The following RAB38 variants were observed in gnomAD, a reference collection of about 807,000 sequenced individuals.
The protein encoded by RAB38 is ras-related protein Rab-38.
RAB38 carries 15 observed loss-of-function variants against 18.4 expected under a neutral mutation model. The ratio of observed to expected loss-of-function variants is 0.82; its 90% CI spans 0.55 to 1.26. The LOEUF (loss-of-function observed/expected upper bound fraction) is 1.26. RAB38 is among the 50% of genes most tolerant of loss of function. RAB38 has a pLI of 0.00. For missense variants in RAB38, 294 were observed against 267.4 expected (o/e 1.10, Z -0.69); for synonymous variants, 101 against 104.4 (o/e 0.97, Z 0.20).
the RAB38 span, among the ~76,000 whole-genome samples, chr11:87,812,418 GAA>G: frequency 6.6e-6 from 1 of 151,934 alleles, no homozygotes; most frequent in Non-Finnish European, 1.5e-5. Flanking sequence ...TTGAGGCTAG[GAA>G]AAAAAGTCAA....
the RAB38 span, among the ~76,000 whole-genome samples, chr11:88,101,551 C>T: frequency 6.6e-6 from 1 of 151,868 alleles, no homozygotes; most frequent in Non-Finnish European, 1.5e-5. Context: ...ATGTTAAATA[C>T]AATTCCATTT....
At chr11:87,831,625 A>C in the RAB38 span, among the ~76,000 whole-genome samples, 1 of 152,324 alleles carries the variant, frequency 6.6e-6, no homozygotes, top group African/African-American at 2.4e-5. Context: ...CAATGAGTAC[A>C]TGCTGAGAAA....
At chr11:88,008,181 T>C in the RAB38 span, among the ~76,000 whole-genome samples, 1 of 152,122 alleles carries the variant, frequency 6.6e-6, no homozygotes, top group Non-Finnish European at 1.5e-5. Flanking sequence ...CTCCTGAAAT[T>C]ATACATTTGA....
Position 88,149,917 on chromosome 11 carries a change from G to T in RAB38, c.241C>A (p.Arg81=). The T allele has an allele frequency of 6.2e-7, 1 of 1,613,542 alleles. No homozygotes were observed. Among genetic ancestry groups the T allele is most frequent in the South Asian group, 1.1e-5 (1 of 91,022 alleles). Residue 81 remains arginine (R), a synonymous_variant, in exon 2 of 3, where the codon CGA becomes AGA. Transcript: ENST00000243662. ...ACAATAAATGCACCCATAGCTTCTC[G>T]GTAATAGACCCTCGTCATGTTTCCA... is the stretch of plus-strand genomic sequence containing the variant. ...RFGNMTRVYY[R]EAMGAFIVFD...
chr11:87,858,117 G>T, the RAB38 span, among the ~76,000 whole-genome samples: 1 of 152,156 alleles, frequency 6.6e-6, no homozygotes, highest in Non-Finnish European at 1.5e-5. Context: ...TTATTAAACA[G>T]GGAATCCTTT....
chr11:87,958,476 G>C, the RAB38 span, among the ~76,000 whole-genome samples: 1 of 152,062 alleles, frequency 6.6e-6, no homozygotes, highest in Admixed American at 6.6e-5. Flanking sequence ...TCCACTGCTA[G>C]TGTTGTTCTT....
the RAB38 span, among the ~76,000 whole-genome samples, chr11:87,819,532 T>A: frequency 6.6e-6 from 1 of 151,994 alleles, no homozygotes; most frequent in Non-Finnish European, 1.5e-5. Flanking sequence ...GGTAATATAC[T>A]GGATTTAATA....
intron 1 of RAB38, among the ~76,000 whole-genome samples, chr11:88,161,176 C>T (rs1017628603): frequency 5.9e-5 from 9 of 152,028 alleles, no homozygotes; most frequent in Admixed American, 1.3e-4. Flanking sequence ...AAACTCTTGT[C>T]GCTTCCTTCA....
the RAB38 span, among the ~76,000 whole-genome samples, chr11:87,874,050 TTACAAA>T: frequency 6.6e-6 from 1 of 150,426 alleles, no homozygotes; most frequent in Non-Finnish European, 1.5e-5. Context: ...TGAACAGAAG[TTACAAA>T]TATAATTAAG....
chr11:87,868,578 GGAGAGAGAGAGA>G, the RAB38 span, among the ~76,000 whole-genome samples: 1,138 of 59,218 alleles, frequency 0.019, 22 homozygotes, highest in African/African-American at 0.063. Context: ...AAGGAGTGAG[GGAGAGAGAGAGA>G]GAGAGAGAGA....
At chr11:87,868,139 G>T in the RAB38 span, among the ~76,000 whole-genome samples, 1 of 151,652 alleles carries the variant, frequency 6.6e-6, no homozygotes, top group Admixed American at 6.6e-5. Flanking sequence ...CCCAGTGCTG[G>T]AGTTGAAGCC....
At chr11:88,152,591 A>T in intron 1 of RAB38, among the ~76,000 whole-genome samples, 1 of 152,150 alleles carries the variant, frequency 6.6e-6, no homozygotes, top group East Asian at 1.9e-4. Context: ...AAGAGGTCAC[A>T]CTTAGATCAG....
At chr11:87,875,618 T>C in the RAB38 span, among the ~76,000 whole-genome samples, 10 of 151,550 alleles carry the variant, frequency 6.6e-5, no homozygotes, top group African/African-American at 2.4e-4. Flanking sequence ...ATAGCATTTT[T>C]CATTATATTT....
the RAB38 span, among the ~76,000 whole-genome samples, chr11:88,049,529 G>T: frequency 2.0e-5 from 3 of 151,076 alleles, no homozygotes; most frequent in Admixed American, 6.6e-5. Flanking sequence ...GTCTCCCTTC[G>T]CTGACTCTCT....
chr11:88,106,207 T>C, the RAB38 span, among the ~76,000 whole-genome samples: 12 of 152,094 alleles, frequency 7.9e-5, no homozygotes, highest in African/African-American at 2.9e-4. Flanking sequence ...GAAACTAACA[T>C]ATATTAAGCA....
the RAB38 span, among the ~76,000 whole-genome samples, chr11:88,038,074 T>C: frequency 1.6e-4 from 25 of 152,286 alleles, no homozygotes; most frequent in Admixed American, 9.1e-4. Context: ...TGCCTTTTTA[T>C]TATATTAATG....
chr11:88,070,716 G>A, the RAB38 span, among the ~76,000 whole-genome samples: 1 of 152,174 alleles, frequency 6.6e-6, no homozygotes, highest in Non-Finnish European at 1.5e-5. Context: ...CACAAAGGAT[G>A]AAGAATGCTG....
chr11:88,097,230 G>A, the RAB38 span, among the ~76,000 whole-genome samples: 1 of 151,740 alleles, frequency 6.6e-6, no homozygotes, highest in Non-Finnish European at 1.5e-5. Context: ...TATAGCAAAT[G>A]GAATGTTTCA....
intron 2 of RAB38, among the ~76,000 whole-genome samples, chr11:88,120,268 T>A (rs187616801): frequency 6.6e-6 from 1 of 152,346 alleles, no homozygotes; most frequent in African/African-American, 2.4e-5. Flanking sequence ...AACTAAATGA[T>A]GTGTGCAAGG....
Sources: allele counts gnomAD v4.1 joint callset (sites outside exome capture counted in the v4.1 genomes callset), GRCh38; gene constraint gnomAD v4.1.1; transcripts MANE v1.5; gene names NCBI Gene and HGNC (gene_info 2026-07-23, HGNC 2026-07-21).